ADAMTSL3: variants seen among roughly 807,000 people sequenced by gnomAD.
The protein encoded by ADAMTSL3 is ADAMTS like 3, also known as ADAMTS-like protein 3.
Under a neutral mutation model 201.7 loss-of-function variants are expected in ADAMTSL3, and 128 were observed. That is an observed-to-expected ratio of 0.63 (90% CI 0.55 to 0.73). The LOEUF (loss-of-function observed/expected upper bound fraction) is 0.73, where lower values mean the gene tolerates loss of function less well. Among genes scored for constraint, ADAMTSL3 ranks in the 30% least tolerant of loss-of-function variants. The pLI is 0.00. For missense variants in ADAMTSL3, 1,990 were observed against 2,119.6 expected (o/e 0.94, Z 1.20); for synonymous variants, 738 against 748.4 (o/e 0.99, Z 0.23).
In ADAMTSL3 at chr15:83,982,765, A is replaced by T. The variant is rs749996947; in HGVS notation, c.3137A>T (p.Asp1046Val). ...MWNNKNDLYLDDDHISNQPFL... is the reference protein window; with the variant it reads ...MWNNKNDLYLVDDHISNQPFL... ...AATAACAAAAATGACCTTTATCTGGATGATGACCACATTAGTAACCAGCCT... is the reference window on the plus strand; with the variant it reads ...AATAACAAAAATGACCTTTATCTGGTTGATGACCACATTAGTAACCAGCCT... The change falls in exon 21 of 30, where the codon GAT becomes GTT. Residue 1046 changes from aspartate (D) to valine (V), a missense_variant. By Grantham distance (152) the Asp-to-Val change is radical (BLOSUM62 -3). Coordinates refer to ENST00000286744, the MANE Select transcript of ADAMTSL3 (RefSeq NM_207517.3). 2 of 1,614,106 alleles carry T rather than the reference A, an allele frequency of 1.2e-6. No homozygotes were observed. The highest frequency in any genetic ancestry group is 1.7e-6 in the Non-Finnish European group (2 of 1,180,032).
chr15:83,845,883 A>G (rs1038542464), intron 7 of ADAMTSL3, among the ~76,000 whole-genome samples: 3 of 152,130 alleles, frequency 2.0e-5, no homozygotes, highest in Admixed American at 6.5e-5. Flanking sequence ...AGGGAGGTTT[A>G]GTTTTTGCAC....
At chr15:83,811,963 C>T (rs2063705808) in intron 5 of ADAMTSL3, among the ~76,000 whole-genome samples, 1 of 152,158 alleles carries the variant, frequency 6.6e-6, no homozygotes, top group Admixed American at 6.5e-5. Flanking sequence ...ACCAGAGGTG[C>T]ATAAATGCAG....
At position 83,942,697 on chromosome 15, in the gene ADAMTSL3, C is replaced by G. The variant is rs747976339; in HGVS notation, c.2219C>G (p.Pro740Arg). ...CACCCAGGGGAGACCCCTGCCCCTC[C>G]TGAGGAGTGCCGAGATGAAAAGCCC... Reference protein sequence around the residue: ...CLHPGETPAPPEECRDEKPHA... With the variant: ...CLHPGETPAPREECRDEKPHA... Residue 740 changes from proline (P) to arginine (R), a missense_variant, in exon 18 of 30, where the codon CCT (proline) becomes CGT (arginine). Coordinates refer to ENST00000286744, the MANE Select transcript of ADAMTSL3 (RefSeq NM_207517.3). 9.9e-6 allele frequency: 16 copies of G among 1,614,008 alleles called. No homozygotes were observed. The highest frequency in any genetic ancestry group is 1.7e-5 in the Admixed American group (1 of 60,006).
chr15:83,725,009 A>G (rs2062152788), intron 3 of ADAMTSL3, among the ~76,000 whole-genome samples: 1 of 152,238 alleles, frequency 6.6e-6, no homozygotes, highest in Admixed American at 6.5e-5. Flanking sequence ...TAGTGCTGCA[A>G]AAAACATGGG....
intron 2 of ADAMTSL3, among the ~76,000 whole-genome samples, chr15:83,682,062 T>G (rs1425301310): frequency 6.6e-6 from 1 of 152,224 alleles, no homozygotes; most frequent in East Asian, 1.9e-4. Flanking sequence ...TTCAGTTGTT[T>G]TGGACAATTT....
intron 20 of ADAMTSL3, among the ~76,000 whole-genome samples, chr15:83,975,038 C>CTG (rs2067259642): frequency 7.3e-6 from 1 of 137,288 alleles, no homozygotes; most frequent in Non-Finnish European, 1.5e-5. Flanking sequence ...GAGTCTCGCT[C>CTG]TCGCCTAGGC....
At position 83,826,743 on chromosome 15, in the gene ADAMTSL3, G is replaced by A. The variant is rs570795559; in HGVS notation, c.600+6696G>A. Among the ~76,000 whole-genome samples, 287 of 146,856 alleles carry A rather than the reference G, an allele frequency of 2.0e-3. 1 individual carries two copies. The highest frequency in any genetic ancestry group is 6.9e-3 in the African/African-American group (279 of 40,196). On this transcript the variant is annotated intron_variant, in intron 6 of 29. Transcript: ENST00000286744. ...TTCTCATTGTTCAGTTCCCACCTAT[G>A]AGTGAGAACATGCGGTGTTTGGTTT...
Position 83,838,204 on chromosome 15 carries a change from C to T in ADAMTSL3, c.716C>T (p.Ser239Phe). 1 of 1,612,394 alleles carries T rather than the reference C, an allele frequency of 6.2e-7. No individual in the cohort carries two copies. The highest frequency in any genetic ancestry group is 8.5e-7 in the Non-Finnish European group (1 of 1,179,314). The change falls in exon 7 of 30, where the codon TCT becomes TTT. Residue 239 changes from serine to phenylalanine, a missense_variant. Physicochemically the swap from Ser to Phe is radical, Grantham distance 155. Transcript: ENST00000286744. The stretch of plus-strand genomic sequence containing the variant: ...CGGGGACAATCAAAGTCACACGTTT[C>T]TCCTGAAAAAAGTAGGTTTTAAACC... Reference protein sequence around the residue: ...LVRGQSKSHVSPEKREENVIA... With the variant: ...LVRGQSKSHVFPEKREENVIA...
At chr15:83,843,535 C>G (rs1454152591) in intron 7 of ADAMTSL3, among the ~76,000 whole-genome samples, 1 of 152,100 alleles carries the variant, frequency 6.6e-6, no homozygotes, top group Admixed American at 6.5e-5. Context: ...TTTCCCTAGG[C>G]CATATGGAAG....
intron 2 of ADAMTSL3, among the ~76,000 whole-genome samples, chr15:83,678,969 C>T (rs1366852713): frequency 2.0e-5 from 3 of 149,298 alleles, no homozygotes; most frequent in African/African-American, 4.9e-5. Context: ...GTGAAAGTAT[C>T]ATATCCTTTG....
chr15:83,991,556 G>A (rs2067584070), intron 23 of ADAMTSL3, among the ~76,000 whole-genome samples: 1 of 152,204 alleles, frequency 6.6e-6, no homozygotes, highest in African/African-American at 2.4e-5. Flanking sequence ...GGGTTACTTG[G>A]TGAATACAAA....
At chr15:83,849,922 T>C (rs947180810) in intron 7 of ADAMTSL3, among the ~76,000 whole-genome samples, 8 of 152,182 alleles carry the variant, frequency 5.3e-5, no homozygotes, top group Admixed American at 5.2e-4. Context: ...GTAAAACTTC[T>C]GAGAGACTTT....
chr15:83,814,659 T>C (rs149229594), intron 5 of ADAMTSL3, among the ~76,000 whole-genome samples: 316 of 152,360 alleles, frequency 2.1e-3, no homozygotes, highest in African/African-American at 7.3e-3. Flanking sequence ...TCATTTGTTA[T>C]ATGAAAGAAT....
At chr15:83,942,547 C>T (rs370389442) in intron 17 of ADAMTSL3, 49 bp from the exon 18 acceptor site, 35 of 1,553,520 alleles carry the variant, frequency 2.3e-5, no homozygotes, top group Middle Eastern at 2.2e-4. Context: ...GATGGTTGCA[C>T]GTTGGTTTAT....
intron 17 of ADAMTSL3, among the ~76,000 whole-genome samples, chr15:83,937,860 C>A (rs1160204726): frequency 6.6e-6 from 1 of 150,800 alleles, no homozygotes; most frequent in Non-Finnish European, 1.5e-5. Context: ...TTGTGCTTAA[C>A]TTGAGCTAAT....
intron 25 of ADAMTSL3, among the ~76,000 whole-genome samples, chr15:84,018,392 TGG>T (rs1329846049): frequency 6.6e-6 from 1 of 152,238 alleles, no homozygotes; most frequent in Non-Finnish European, 1.5e-5. Context: ...GTGGTGTTTA[TGG>T]TCTTGACATT....
At chr15:83,917,157 A>G (rs2066048945) in intron 16 of ADAMTSL3, among the ~76,000 whole-genome samples, 1 of 152,196 alleles carries the variant, frequency 6.6e-6, no homozygotes, top group Admixed American at 6.5e-5. Flanking sequence ...CAACATTCTT[A>G]TTTCTGCTGG....
chr15:83,677,620 T>A (rs1162998741), intron 2 of ADAMTSL3, among the ~76,000 whole-genome samples: 1 of 152,094 alleles, frequency 6.6e-6, no homozygotes, highest in Non-Finnish European at 1.5e-5. Flanking sequence ...AGTATATGTG[T>A]TTTCATCGTT....
chr15:83,997,874 T>C (rs923216047), intron 23 of ADAMTSL3, among the ~76,000 whole-genome samples: 7 of 152,128 alleles, frequency 4.6e-5, no homozygotes, highest in South Asian at 2.1e-4. Flanking sequence ...TTTCCAGTCC[T>C]GAAATTCTAT....
Sources: allele counts gnomAD v4.1 joint callset (sites outside exome capture counted in the v4.1 genomes callset), GRCh38; gene constraint gnomAD v4.1.1; transcripts MANE v1.5; gene names NCBI Gene and HGNC (gene_info 2026-07-23, HGNC 2026-07-21).